The following SAMD13 variants were observed in gnomAD, a reference collection of about 807,000 sequenced individuals.
The protein encoded by SAMD13 is sterile alpha motif domain containing 13, also known as sterile alpha motif domain-containing protein 13.
Under a neutral mutation model 12.4 loss-of-function variants are expected in SAMD13, and 9 were observed. The observed-to-expected ratio is 0.72, with a 90% CI of 0.44 to 1.26. The LOEUF (loss-of-function observed/expected upper bound fraction) is 1.26, where lower values mean the gene tolerates loss of function less well. SAMD13 is among the 50% of genes most tolerant of loss of function. The pLI is 0.00. For synonymous variants in SAMD13, 46 were observed against 45.4 expected (o/e 1.01, Z -0.05); for missense variants, 84 against 119.6 (o/e 0.70, Z 1.39).
chr1:84,349,512 T>C, intron 3 of SAMD13, 119 bp from the exon 4 acceptor site: 1 of 1,480,402 alleles, frequency 6.8e-7, no homozygotes, highest in Non-Finnish European at 9.0e-7. Flanking sequence ...CTACTACAAA[T>C]GTAATGTTTT....
intron 2 of SAMD13, among the ~76,000 whole-genome samples, chr1:84,311,487 A>G (rs1315926143): frequency 1.3e-5 from 2 of 152,220 alleles, no homozygotes; most frequent in South Asian, 2.1e-4. Flanking sequence ...GGCAAAGAAC[A>G]CAGATTATTA....
rs186822953 is a variant in SAMD13, at chr1:84,333,859, T to C, written c.165+8111T>C. Among the ~76,000 whole-genome samples, 7 of 152,272 alleles carry C rather than the reference T, an allele frequency of 4.6e-5. No homozygotes were observed. The East Asian group carries it at 1.3e-3, about 29-fold the overall frequency. On this transcript the variant is annotated intron_variant, in intron 3 of 3. Coordinates refer to ENST00000394834, the MANE Select transcript of SAMD13 (RefSeq NM_001134663.2). ...CGTTTATGTGATGAATCACATATAT[T>C]GATCTGCATATGTTGAACCAACCTT...
upstream of SAMD13, chr1:84,299,564 C>A (rs1434714911): frequency 3.4e-6 from 5 of 1,481,234 alleles, no homozygotes; most frequent in South Asian, 1.4e-5. Flanking sequence ...ACATCACACT[C>A]ACATACTTTA....
upstream of SAMD13, among the ~76,000 whole-genome samples, chr1:84,300,173 C>G (rs1389692362): frequency 2.6e-5 from 4 of 152,172 alleles, no homozygotes; most frequent in East Asian, 7.7e-4. Flanking sequence ...AGTGAAAGAG[C>G]TCTTTATCTA....
chr1:84,313,817 C>G (rs1678766860), intron 2 of SAMD13, among the ~76,000 whole-genome samples: 1 of 151,970 alleles, frequency 6.6e-6, no homozygotes, highest in Non-Finnish European at 1.5e-5. Flanking sequence ...CATTTTGAAG[C>G]AAAGGCATAA....
At chr1:84,314,104 C>A (rs1403250517) in intron 2 of SAMD13, among the ~76,000 whole-genome samples, 2 of 152,044 alleles carry the variant, frequency 1.3e-5, no homozygotes, top group Non-Finnish European at 2.9e-5. Flanking sequence ...AAAACTCTGA[C>A]TTTATTGTAG....
upstream of SAMD13, chr1:84,301,515 C>A: frequency 1.5e-6 from 1 of 648,962 alleles, no homozygotes; most frequent in South Asian, 6.9e-5. Flanking sequence ...AGGTTTTGGA[C>A]TCCTTACTCA....
intron 3 of SAMD13, among the ~76,000 whole-genome samples, chr1:84,330,466 C>T (rs1679155431): frequency 6.6e-6 from 1 of 152,158 alleles, no homozygotes; most frequent in South Asian, 2.1e-4. Context: ...GTTTTTAAGA[C>T]ACTATTTTGA....
chr1:84,312,652 A>C (rs538677227), intron 2 of SAMD13, among the ~76,000 whole-genome samples: 3 of 152,274 alleles, frequency 2.0e-5, no homozygotes, highest in South Asian at 2.1e-4. Context: ...TGAACCTGCC[A>C]TGAGAACTTC....
chr1:84,333,965 T>C (rs555628447), intron 3 of SAMD13, among the ~76,000 whole-genome samples: 81 of 152,148 alleles, frequency 5.3e-4, no homozygotes, highest in Non-Finnish European at 9.9e-4. Context: ...TAGTATTTTG[T>C]TGAGGATTTT....
At chr1:84,337,441 A>T (rs1679324483) in intron 3 of SAMD13, among the ~76,000 whole-genome samples, 1 of 152,226 alleles carries the variant, frequency 6.6e-6, no homozygotes, top group Non-Finnish European at 1.5e-5. Flanking sequence ...GGAAGCTGCC[A>T]AAGCTTGAGG....
intron 3 of SAMD13, among the ~76,000 whole-genome samples, chr1:84,341,347 C>T (rs1679420518): frequency 1.3e-5 from 2 of 152,088 alleles, no homozygotes; most frequent in Non-Finnish European, 2.9e-5. Context: ...TGGAGGACAG[C>T]AGTGAAGGTT....
intron 3 of SAMD13, among the ~76,000 whole-genome samples, chr1:84,348,430 G>T (rs551589332): frequency 6.6e-6 from 1 of 152,238 alleles, no homozygotes; most frequent in South Asian, 2.1e-4. Context: ...CCCCATGTCT[G>T]TCGGTCAGTG....
chr1:84,330,715 A>G (rs570473514), intron 3 of SAMD13, among the ~76,000 whole-genome samples: 2 of 152,278 alleles, frequency 1.3e-5, no homozygotes, highest in African/African-American at 2.4e-5. Context: ...TAGTCACTTC[A>G]TTTCTATGTC....
chr1:84,327,807 A>C (rs1228288314), intron 3 of SAMD13, among the ~76,000 whole-genome samples: 2 of 152,216 alleles, frequency 1.3e-5, no homozygotes, highest in Non-Finnish European at 2.9e-5. Context: ...CTAGGTGTTC[A>C]GAATATGGGT....
At position 84,349,814 on chromosome 1, in the gene SAMD13, A is replaced by AT; in HGVS notation, c.*41dup. On this transcript the variant is annotated 3_prime_UTR_variant, in exon 4 of 4. Transcript: ENST00000394834. ...GGTCTTCGACCTCAAAAAATACATAATGACATAATTTAGTTTCATGTAATG... is the reference window on the plus strand; with the variant it reads ...GGTCTTCGACCTCAAAAAATACATAATTGACATAATTTAGTTTCATGTAATG... 6.3e-7 allele frequency: 1 copy of AT among 1,582,420 alleles called. No homozygotes were observed. Among genetic ancestry groups the AT allele is most frequent in the Non-Finnish European group, 8.6e-7 (1 of 1,164,950 alleles).
intron 2 of SAMD13, among the ~76,000 whole-genome samples, chr1:84,318,126 C>G (rs1169994151): frequency 3.3e-5 from 5 of 151,976 alleles, no homozygotes; most frequent in African/African-American, 9.7e-5. Flanking sequence ...TTCAAAAGCC[C>G]AAGTCTGAGT....
At chr1:84,302,597 T>G (rs1678476425) in intron 1 of SAMD13, 2 of 944,742 alleles carry the variant, frequency 2.1e-6, no homozygotes, top group Non-Finnish European at 2.5e-6. Context: ...CTTTCTGTGC[T>G]AAGGGCTATC....
At chr1:84,326,415 G>A (rs1679060663) in intron 3 of SAMD13, among the ~76,000 whole-genome samples, 1 of 152,150 alleles carries the variant, frequency 6.6e-6, no homozygotes, top group Admixed American at 6.5e-5. Flanking sequence ...CTCAAAAAAT[G>A]GGATTTCCTT....
Sources: gnomAD v4.1 joint callset for allele counts (sites outside exome capture counted in the v4.1 genomes callset) on GRCh38, gnomAD v4.1.1 for gene constraint, MANE v1.5 for transcripts, NCBI Gene and HGNC (gene_info 2026-07-23, HGNC 2026-07-21) for gene names.